Variants in NKD2 observed in about 807,000 individuals in gnomAD.
NKD2 encodes protein naked cuticle homolog 2.
NKD2 carries 43 observed loss-of-function variants against 34.8 expected under a neutral mutation model. The ratio of observed to expected loss-of-function variants is 1.24; its 90% CI spans 0.97 to 1.60. The LOEUF (loss-of-function observed/expected upper bound fraction) is 1.60, where lower values mean the gene tolerates loss of function less well. NKD2 is among the 40% of genes most tolerant of loss of function. The probability of loss-of-function intolerance (pLI) is 0.00; values close to 1 mark genes in which losing one functional copy is unlikely to be tolerated. For synonymous variants in NKD2, 278 were observed against 265.1 expected (o/e 1.05, Z -0.47); for missense variants, 675 against 627.1 (o/e 1.08, Z -0.82).
chr5:1,021,929 C>T (rs1756206526), intron 3 of NKD2, among the ~76,000 whole-genome samples: 1 of 152,186 alleles, frequency 6.6e-6, no homozygotes, highest in Admixed American at 6.5e-5. Context: ...CTGCCTGCTG[C>T]TCCGGGCCCC....
chr5:1,015,389 CTT>C (rs998428871), intron 3 of NKD2, among the ~76,000 whole-genome samples: 2 of 152,238 alleles, frequency 1.3e-5, no homozygotes, highest in Admixed American at 1.3e-4. Context: ...CAAAGCCACA[CTT>C]TACGGAAGCG....
rs916046861 is a variant in NKD2 at position 1,009,190 on chromosome 5, C to T, written c.37C>T (p.Arg13Cys). Residue 13 changes from arginine to cysteine, a missense_variant, in exon 2 of 10, where the codon CGC (arginine) becomes TGC (cysteine). Coordinates refer to ENST00000296849, the MANE Select transcript of NKD2 (RefSeq NM_033120.4). The surrounding 1 kb of genome is among the most constrained non-coding windows in gnomAD (Gnocchi z 6.9). The stretch of plus-strand genomic sequence containing the variant: ...CCGCCGTGCCGCAGCCGCCGCCGCC[C>T]GCAAGCGGAGAGAGAGCCCGGAAGG... The part of the protein sequence containing the change: ...KLQSKHAAAA[R>C]KRRESPEGDS... 1.1e-5 allele frequency: 6 copies of T among 563,292 alleles called. No individual in the cohort carries two copies. Among genetic ancestry groups the T allele is most frequent in the Non-Finnish European group, 9.6e-6 (3 of 313,692 alleles). 34.9% of individuals were successfully genotyped at this position (563,292 alleles called of 1,614,324 possible). A position where few individuals can be genotyped will look rare whatever the true frequency, so the allele number is the denominator to read the frequency against.
In NKD2 at chr5:1,032,133, T is replaced by G; in HGVS notation, c.142-19T>G. The G allele has an allele frequency of 6.2e-7, 1 of 1,609,392 alleles. No homozygotes were observed. The highest frequency in any genetic ancestry group is 8.5e-7 in the Non-Finnish European group (1 of 1,177,394). ...CCCACTGAGCTATGTGGCCACTGAC[T>G]GCCCCGTTCTTCCTGCAGGAGCTGC... On this transcript the variant is annotated intron_variant, in intron 3 of 9. Coordinates refer to ENST00000296849, the MANE Select transcript of NKD2 (RefSeq NM_033120.4).
chr5:1,020,298 G>C (rs1247834783), intron 3 of NKD2, among the ~76,000 whole-genome samples: 1 of 152,154 alleles, frequency 6.6e-6, no homozygotes, highest in African/African-American at 2.4e-5. Flanking sequence ...GTGTATGTAT[G>C]ATGTGTTCAC....
At chr5:1,024,441 T>C (rs377457133) in intron 3 of NKD2, among the ~76,000 whole-genome samples, 2 of 4,176 alleles carry the variant, frequency 4.8e-4, no homozygotes, top group African/African-American at 6.1e-4. Flanking sequence ...TGTGGGCGTC[T>C]CAGCCCATTG....
At chr5:1,030,584 A>G (rs531353385) in intron 3 of NKD2, among the ~76,000 whole-genome samples, 44 of 152,194 alleles carry the variant, frequency 2.9e-4, no homozygotes, top group Non-Finnish European at 5.4e-4. Context: ...GGTTTTAGAG[A>G]TGATTTGGTT....
intron 3 of NKD2, among the ~76,000 whole-genome samples, chr5:1,014,340 T>G (rs1755864872): frequency 6.6e-6 from 1 of 152,170 alleles, no homozygotes; most frequent in Admixed American, 6.5e-5. Context: ...TATGCCTGCA[T>G]TAGGGTGTTG....
At position 1,009,857 on chromosome 5, in the gene NKD2, C is replaced by G. The variant is rs930153257; in HGVS notation, c.141+297C>G. ...CATGTTTCGGGCTGGAGGAGCTGGG[C>G]GAGTGGGAGGGGCTGGACCTAGACG... On this transcript the variant is annotated intron_variant, in intron 3 of 9. Coordinates refer to ENST00000296849, the MANE Select transcript of NKD2 (RefSeq NM_033120.4). The surrounding 1 kb of genome is among the most constrained non-coding windows in gnomAD (Gnocchi z 6.9). Among the ~76,000 whole-genome samples the G allele has an allele frequency of 2.0e-5, 3 of 151,542 alleles. No individual in the cohort carries two copies. The highest frequency in any genetic ancestry group is 7.3e-5 in the African/African-American group (3 of 41,188).
chr5:1,014,916 G>A (rs955547963), intron 3 of NKD2, among the ~76,000 whole-genome samples: 3 of 152,206 alleles, frequency 2.0e-5, no homozygotes, highest in East Asian at 1.9e-4. Flanking sequence ...TAGCAGAGGC[G>A]GCTTGCATGG....
Position 1,035,484 on chromosome 5 carries a change from G to T in NKD2, c.659+11G>T. ...GTCTGCACACGTCAGGTGAGGGCTG[G>T]GGTGCCAGGGTGGGGCTGTGCCTTA... On this transcript the variant is annotated intron_variant, in intron 8 of 9. Transcript: ENST00000296849. 1 of 1,549,274 alleles carries T rather than the reference G, an allele frequency of 6.5e-7. No homozygotes were observed. The highest frequency in any genetic ancestry group is 8.7e-7 in the Non-Finnish European group (1 of 1,145,522).
intron 3 of NKD2, among the ~76,000 whole-genome samples, chr5:1,015,905 C>T (rs759791538): frequency 6.6e-6 from 1 of 152,208 alleles, no homozygotes; most frequent in Non-Finnish European, 1.5e-5. Context: ...GCCCAGGACC[C>T]CTAATCAGTT....
intron 3 of NKD2, among the ~76,000 whole-genome samples, chr5:1,028,155 G>A (rs959586292): frequency 3.9e-5 from 6 of 152,124 alleles, no homozygotes; most frequent in Admixed American, 3.9e-4. Flanking sequence ...TGGGTGCTGG[G>A]AGGACGAAGC....
intron 3 of NKD2, among the ~76,000 whole-genome samples, chr5:1,017,717 G>A (rs900817329): frequency 2.0e-5 from 3 of 152,248 alleles, no homozygotes; most frequent in Non-Finnish European, 2.9e-5. Flanking sequence ...CTGCTTTCTG[G>A]ATGCTGGGAG....
Position 1,009,315 on chromosome 5 carries a change from G to C in NKD2, c.61+101G>C. The C allele has an allele frequency of 1.9e-6, 1 of 518,296 alleles. No homozygotes were observed. The highest frequency in any genetic ancestry group is 2.9e-5 in the South Asian group (1 of 34,440). The allele number at this position is 518,296 out of a possible 1,614,324, so 32.1% of individuals were successfully genotyped here. On this transcript the variant is annotated intron_variant, in intron 2 of 9. Transcript: ENST00000296849. The surrounding 1 kb of genome is among the most constrained non-coding windows in gnomAD (Gnocchi z 6.9). ...CGTCCTGCCCTGGAGCCAGCAGTGG[G>C]GGGACGGGGCCGCGGGTCTCCAGGA...
rs1298880974 is a variant in NKD2 at position 1,009,199 on chromosome 5, A to C, written c.46A>C (p.Arg16=). 2 of 551,996 alleles carry C rather than the reference A, an allele frequency of 3.6e-6. No homozygotes were observed. The highest frequency in any genetic ancestry group is 3.0e-5 in the Admixed American group (1 of 33,136). The allele number at this position is 551,996 out of a possible 1,614,324, so 34.2% of individuals were successfully genotyped here. A position where few individuals can be genotyped will look rare whatever the true frequency, so the allele number is the denominator to read the frequency against. The part of the protein sequence containing the change: ...SKHAAAARKR[R]ESPEGDSFVA... ...CGCAGCCGCCGCCGCCCGCAAGCGG[A>C]GAGAGAGCCCGGAAGGTGAGCGGGC... Residue 16 remains arginine, a synonymous_variant, in exon 2 of 10, where the codon AGA becomes CGA. Coordinates refer to ENST00000296849, the MANE Select transcript of NKD2 (RefSeq NM_033120.4). This position sits in a 1 kb window ranked among gnomAD's most constrained non-coding sequence, Gnocchi z 6.9.
chr5:1,021,581 C>T (rs1314330083), intron 3 of NKD2, among the ~76,000 whole-genome samples: 2 of 151,746 alleles, frequency 1.3e-5, no homozygotes, highest in Non-Finnish European at 2.9e-5. Flanking sequence ...AATTATTAAG[C>T]CCGTAAAACT....
intron 3 of NKD2, among the ~76,000 whole-genome samples, chr5:1,010,458 A>G (rs1755708849): frequency 1.3e-5 from 2 of 152,180 alleles, no homozygotes; most frequent in African/African-American, 4.8e-5. Flanking sequence ...TGATTAAAAA[A>G]AGTTCTGGGT....
chr5:1,036,491 CGCCCCCCCCCA>C lies in NKD2; in HGVS notation c.787+108_787+118del, dbSNP rs1229860460. ...CAGGGGGCCCCTCCCTGCCCTGCCC[CGCCCCCCCCCA>C]ACCCCCCCCACCCCACCCCACCCAG... On this transcript the variant is annotated intron_variant, in intron 9 of 9. Transcript: ENST00000296849. 2.6e-4 allele frequency: 144 copies of C among 551,844 alleles called. 1 individual carries two copies. In the South Asian group the frequency reaches 2.8e-3, roughly 11 times the overall value. The allele number at this position is 551,844 out of a possible 1,614,324, so 34.2% of individuals were successfully genotyped here. A position where few individuals can be genotyped will look rare whatever the true frequency, so the allele number is the denominator to read the frequency against.
intron 3 of NKD2, among the ~76,000 whole-genome samples, chr5:1,017,902 G>A (rs1314104178): frequency 1.3e-5 from 2 of 151,290 alleles, no homozygotes; most frequent in South Asian, 4.2e-4. Flanking sequence ...GAGAGAGGCC[G>A]AGCTGGGGTG....
Sources: allele counts gnomAD v4.1 joint callset (sites outside exome capture counted in the v4.1 genomes callset), GRCh38; gene constraint gnomAD v4.1.1; non-coding constraint Gnocchi (gnomAD v3.1); transcripts MANE v1.5; gene names NCBI Gene and HGNC (gene_info 2026-07-23, HGNC 2026-07-21).